Variants in SEC16A observed in about 807,000 individuals in gnomAD.
SEC16A encodes protein transport protein Sec16A.
In SEC16A, 110 loss-of-function variants were observed where a neutral mutation model predicts 221.9. The ratio of observed to expected loss-of-function variants is 0.50; its 90% CI spans 0.42 to 0.58. SEC16A has a LOEUF of 0.58. Among genes scored for constraint, SEC16A ranks in the 20% least tolerant of loss-of-function variants. SEC16A has a pLI of 0.00. For missense variants in SEC16A, 3,165 were observed against 3,097.8 expected (o/e 1.02, Z -0.52); for synonymous variants, 1,393 against 1,257.7 (o/e 1.11, Z -2.28).
Position 136,454,149 on chromosome 9 carries a change from T to C in SEC16A, c.6036A>G (p.Glu2012=), listed in dbSNP as rs1465337518. ...GLPPGVPPLQ[E]RRHLLQEARS... is the part of the protein sequence containing the mutation. ...TGGCTTCCTGGAGCAAGTGTCTCCT[T>C]TCCTGCAGAGGTGGCACACCAGGTG... Residue 2012 remains glutamate (E), a synonymous_variant, in exon 21 of 32, where the codon GAA becomes GAG. Transcript: ENST00000684901. The C allele has an allele frequency of 2.6e-6, 4 of 1,554,878 alleles. No individual in the cohort carries two copies. The Admixed American group carries it at 5.8e-5, about 23-fold the overall frequency.
Position 136,476,046 on chromosome 9 carries a change from T to G in SEC16A, c.1570A>C (p.Ser524Arg). Residue 524 changes from serine (S) to arginine (R), a missense_variant, in exon 3 of 32, where the codon AGC becomes CGC. Transcript: ENST00000684901. ...CTTCCGTGGCTTCTGCTGCTATAGC[T>G]GGATGACACGCTGTCAGGGTGCACT... ...HTVHPDSVSS[S>R]YSSRSHGRLS... 6.2e-7 allele frequency: 1 copy of G among 1,613,502 alleles called. No individual in the cohort carries two copies. The highest frequency in any genetic ancestry group is 8.5e-7 in the Non-Finnish European group (1 of 1,179,872).
chr9:136,475,853 A>G lies in SEC16A; in HGVS notation c.1763T>C (p.Val588Ala), dbSNP rs751666829. The G allele has an allele frequency of 6.3e-7, 1 of 1,591,234 alleles. No homozygotes were observed. The highest frequency in any genetic ancestry group is 2.3e-5 in the East Asian group (1 of 43,900). ...TTVSQNYRGS[V>A]SQPSTPSPPK... Reference sequence around the variant, plus strand: ...GGGGCTCGGGGTTGAGGGCTGGGACACGCTGCCACGGTAATTCTGGCTCAC... The same window carrying G: ...GGGGCTCGGGGTTGAGGGCTGGGACGCGCTGCCACGGTAATTCTGGCTCAC... The change falls in exon 3 of 32, where the codon GTG becomes GCG. Residue 588 changes from valine to alanine, a missense_variant. Coordinates refer to ENST00000684901, the MANE Select transcript of SEC16A (RefSeq NM_014866.2). The surrounding 1 kb of genome is among the most constrained non-coding windows in gnomAD (Gnocchi z 5.0).
Position 136,466,906 on chromosome 9 carries a change from G to A in SEC16A, c.3929+51C>T, listed in dbSNP as rs542261240. On this transcript the variant is annotated intron_variant, in intron 6 of 31. Transcript: ENST00000684901. This position sits in a 1 kb window ranked among gnomAD's most constrained non-coding sequence, Gnocchi z 5.5. ...CAGACATGAGGGCAGAGAAGCACTA[G>A]CGCGCCCTGGCTGCCCCCAGCCTCT... 7.0e-6 allele frequency: 11 copies of A among 1,579,512 alleles called. No homozygotes were observed. In the South Asian group the frequency reaches 1.3e-4, roughly 18 times the overall value.
intron 4 of SEC16A, 45 bp downstream of exon 4, chr9:136,471,930 G>A: frequency 6.2e-7 from 1 of 1,602,406 alleles, no homozygotes; most frequent in Non-Finnish European, 8.5e-7. Context: ...CACAGACATG[G>A]GTCTGAGTAG....
At chr9:136,451,064 G>A (rs964210712) in intron 23 of SEC16A, among the ~76,000 whole-genome samples, 192 bp downstream of exon 23, 1 of 152,134 alleles carries the variant, frequency 6.6e-6, no homozygotes, top group Non-Finnish European at 1.5e-5. Context: ...TGACCTGGGT[G>A]GGCTATTATC....
rs756133621 is a variant in SEC16A, at chr9:136,476,364, C to T, written c.1252G>A (p.Val418Met). ...GLGRPPAPTHVGAGSLCQALL... is the reference protein window; with the variant it reads ...GLGRPPAPTHMGAGSLCQALL... The stretch of plus-strand genomic sequence containing the variant: ...GCCTGGCAGAGGCTGCCTGCCCCCA[C>T]GTGTGTAGGTGCGGGCGGACGGCCT... The change falls in exon 3 of 32, where the codon GTG (valine) becomes ATG (methionine). Residue 418 changes from valine (V) to methionine (M), a missense_variant. Physicochemically the swap from Val to Met is conservative, Grantham distance 21. Around this residue, in one of 3 missense-constraint regions of SEC16A, gnomAD observed 2,030 missense variants for 1,923.1 expected, o/e 1.06. Transcript: ENST00000684901. The T allele has an allele frequency of 1.9e-6, 3 of 1,612,826 alleles. No individual in the cohort carries two copies. Among genetic ancestry groups the T allele is most frequent in the East Asian group, 2.2e-5 (1 of 44,886 alleles).
At position 136,443,874 on chromosome 9, in the gene SEC16A, C is replaced by A. The variant is rs1228201249; in HGVS notation, c.6954G>T (p.Gly2318=). Residue 2318 remains glycine, a synonymous_variant, in exon 31 of 32, where the codon GGG becomes GGT. Transcript: ENST00000684901. ...AGGGCATGGCCCCGCTGGGAGGGCC[C>A]CCTGCAGCAGGGAGGTCGCCAGGAG... ...NQAPGDLPAA[G]GPPSGAMPFY... The A allele has an allele frequency of 6.2e-7, 1 of 1,611,138 alleles. No individual in the cohort carries two copies. Among genetic ancestry groups the A allele is most frequent in the Non-Finnish European group, 8.5e-7 (1 of 1,178,778 alleles).
chr9:136,455,455 C>T, intron 20 of SEC16A, 146 bp downstream of exon 20: 1 of 748,044 alleles, frequency 1.3e-6, no homozygotes, highest in South Asian at 1.9e-5. Flanking sequence ...ACCGAGGAGC[C>T]CCACAACCAC....
At chr9:136,462,810 C>T (rs1404474451) in intron 12 of SEC16A, 77 bp downstream of exon 12, 1 of 1,530,276 alleles carries the variant, frequency 6.5e-7, no homozygotes, top group African/African-American at 1.4e-5. Context: ...ACGTCCCTCC[C>T]TGAAGGCTGC....
At position 136,466,599 on chromosome 9, in the gene SEC16A, C is replaced by A; in HGVS notation, c.3930-137G>T. 1 of 792,496 alleles carries A rather than the reference C, an allele frequency of 1.3e-6. No homozygotes were observed. The highest frequency in any genetic ancestry group is 2.0e-6 in the Non-Finnish European group (1 of 509,892). 49.1% of individuals were successfully genotyped at this position (792,496 alleles called of 1,614,324 possible). A position where few individuals can be genotyped will look rare whatever the true frequency, so the allele number is the denominator to read the frequency against. ...AACACAGCACACCCGACACTCAGGG[C>A]CCTCTGACGTGCAACGTTAGAGAAG... is the stretch of plus-strand genomic sequence containing the variant. On this transcript the variant is annotated intron_variant, in intron 6 of 31. Coordinates refer to ENST00000684901, the MANE Select transcript of SEC16A (RefSeq NM_014866.2). This position sits in a 1 kb window ranked among gnomAD's most constrained non-coding sequence, Gnocchi z 5.5.
At chr9:136,465,840 G>A in intron 8 of SEC16A, 122 bp downstream of exon 8, 1 of 1,036,420 alleles carries the variant, frequency 9.6e-7, no homozygotes, top group Non-Finnish European at 1.4e-6. Context: ...GACGGATTGG[G>A]TCAGAGCCAG....
At chr9:136,471,663 G>A (rs562850828) in intron 4 of SEC16A, among the ~76,000 whole-genome samples, 4 of 152,322 alleles carry the variant, frequency 2.6e-5, no homozygotes, top group East Asian at 1.9e-4. Flanking sequence ...GACGTGCCCC[G>A]TCAAGAGGGG....
At chr9:136,458,791 G>T (rs1394885325) in intron 17 of SEC16A, among the ~76,000 whole-genome samples, 2 of 151,690 alleles carry the variant, frequency 1.3e-5, no homozygotes, top group Admixed American at 1.3e-4. Context: ...GTGTGGCATG[G>T]TAGTGCTGCT....
chr9:136,482,914 C>T, intron 1 of SEC16A, 24 bp downstream of exon 1: 14 of 943,396 alleles, frequency 1.5e-5, no homozygotes, highest in Non-Finnish European at 1.8e-5. Context: ...GCGCTCGCCC[C>T]CTCACCCGCG....
intron 1 of SEC16A, among the ~76,000 whole-genome samples, chr9:136,479,251 T>C (rs181575199): frequency 3.3e-5 from 5 of 152,376 alleles, no homozygotes; most frequent in Admixed American, 3.3e-4. Context: ...CTTTTCTTTC[T>C]ATCAGTCTTT....
chr9:136,452,827 C>T (rs1440599361), intron 22 of SEC16A, among the ~76,000 whole-genome samples: 1 of 143,824 alleles, frequency 7.0e-6, no homozygotes, highest in African/African-American at 2.6e-5. Context: ...AATCCCAGCA[C>T]TTTGGGAGGC....
chr9:136,453,341 A>T, intron 22 of SEC16A, 87 bp downstream of exon 22: 1 of 946,448 alleles, frequency 1.1e-6, no homozygotes. Flanking sequence ...CCTCACTACC[A>T]TCATCTTACA....
Position 136,474,545 on chromosome 9 carries a change from G to T in SEC16A, c.3071C>A (p.Ala1024Asp), listed in dbSNP as rs369678976. The change falls in exon 3 of 32, where the codon GCC becomes GAC. Residue 1024 changes from alanine to aspartate, a missense_variant. Ala to Asp is a moderately radical substitution (Grantham distance 126). Around this residue, in one of 3 missense-constraint regions of SEC16A, gnomAD observed 2,030 missense variants for 1,923.1 expected, o/e 1.06. Coordinates refer to ENST00000684901, the MANE Select transcript of SEC16A (RefSeq NM_014866.2). ...SDSLASQQSV[A>D]SHPRQSGPGA... ...AGGCCCAGATTGTCTGGGATGACTGGCAACACTTTGCTGAGAAGCGAGGCT... is the reference window on the plus strand; with the variant it reads ...AGGCCCAGATTGTCTGGGATGACTGTCAACACTTTGCTGAGAAGCGAGGCT... 10 of 1,612,762 alleles carry T rather than the reference G, an allele frequency of 6.2e-6. No individual in the cohort carries two copies. Among genetic ancestry groups the T allele is most frequent in the Non-Finnish European group, 7.6e-6 (9 of 1,179,810 alleles).
rs1242045085 is a variant in SEC16A at position 136,474,995 on chromosome 9, G to A, written c.2621C>T (p.Ala874Val). The change falls in exon 3 of 32, where the codon GCT (alanine) becomes GTT (valine). Residue 874 changes from alanine to valine, a missense_variant. Physicochemically the swap from Ala to Val is moderately conservative, Grantham distance 64. Around this residue, in one of 3 missense-constraint regions of SEC16A, gnomAD observed 2,030 missense variants for 1,923.1 expected, o/e 1.06. Coordinates refer to ENST00000684901, the MANE Select transcript of SEC16A (RefSeq NM_014866.2). ...VGDRPAVSSW[A>V]LGGDSGENTS... The stretch of plus-strand genomic sequence containing the variant: ...GTTCTCCCCAGAATCACCACCGAGA[G>A]CCCAACTGCTGACTGCAGGTCTATC... 2 of 1,613,762 alleles carry A rather than the reference G, an allele frequency of 1.2e-6. No individual in the cohort carries two copies. The highest frequency in any genetic ancestry group is 4.5e-5 in the East Asian group (2 of 44,890).
Sources: allele counts gnomAD v4.1 joint callset (sites outside exome capture counted in the v4.1 genomes callset), GRCh38; gene constraint gnomAD v4.1.1; regional missense constraint gnomAD v4.1.1; non-coding constraint Gnocchi (gnomAD v3.1); transcripts MANE v1.5; gene names NCBI Gene and HGNC (gene_info 2026-07-23, HGNC 2026-07-21).